The following RBMS3 variants were observed in gnomAD, a reference collection of about 807,000 sequenced individuals.
RBMS3 encodes RNA binding motif single stranded interacting protein 3.
Under a neutral mutation model 66.8 loss-of-function variants are expected in RBMS3, and 27 were observed. That is an observed-to-expected ratio of 0.40 (90% CI 0.30 to 0.56). RBMS3 has a LOEUF of 0.56. RBMS3 is among the 20% of genes least tolerant of loss of function. The probability of loss-of-function intolerance (pLI) is 0.40; values close to 1 mark genes in which losing one functional copy is unlikely to be tolerated. For synonymous variants in RBMS3, 188 were observed against 183.0 expected (o/e 1.03, Z -0.22); for missense variants, 513 against 549.5 (o/e 0.93, Z 0.66).
chr3:29,689,256 T>G (rs2051870903), intron 4 of RBMS3, among the ~76,000 whole-genome samples: 1 of 152,150 alleles, frequency 6.6e-6, no homozygotes, highest in Non-Finnish European at 1.5e-5. Context: ...TTGCCTTAAA[T>G]TAAGCAAAAT....
chr3:29,632,159 TA>T (rs1320347053), intron 4 of RBMS3, among the ~76,000 whole-genome samples: 7 of 151,914 alleles, frequency 4.6e-5, no homozygotes, highest in Non-Finnish European at 1.0e-4. Flanking sequence ...TCCATTTGAG[TA>T]GAGAAAAATA....
chr3:29,572,797 A>G (rs1394533974), intron 3 of RBMS3, among the ~76,000 whole-genome samples: 1 of 152,160 alleles, frequency 6.6e-6, no homozygotes, highest in Admixed American at 6.5e-5. Flanking sequence ...TGAATTTGAA[A>G]TTATTTCCTC....
intron 5 of RBMS3, among the ~76,000 whole-genome samples, chr3:29,754,881 A>T (rs1165798861): frequency 6.6e-6 from 1 of 152,186 alleles, no homozygotes; most frequent in Non-Finnish European, 1.5e-5. Flanking sequence ...GCTGGTCAGG[A>T]ACAAAAATGC....
intron 1 of RBMS3, among the ~76,000 whole-genome samples, chr3:29,422,865 T>C (rs2040807614): frequency 6.6e-6 from 1 of 152,240 alleles, no homozygotes; most frequent in African/African-American, 2.4e-5. Flanking sequence ...GAAATTATTA[T>C]GTTTTATAGT....
At chr3:29,739,680 T>C (rs376968106) in intron 4 of RBMS3, 40 bp from the exon 5 acceptor site, 43 of 1,487,232 alleles carry the variant, frequency 2.9e-5, no homozygotes, top group Non-Finnish European at 3.6e-5. Flanking sequence ...TGTTTCTCAA[T>C]ACTCAGAACT....
intron 1 of RBMS3, among the ~76,000 whole-genome samples, chr3:29,282,061 G>A (rs1050847353): frequency 3.9e-5 from 6 of 152,124 alleles, no homozygotes; most frequent in Non-Finnish European, 7.4e-5. Flanking sequence ...GATGGGCACG[G>A]TTTTTAGAAA....
chr3:29,797,150 A>G (rs540282748), intron 6 of RBMS3, among the ~76,000 whole-genome samples: 6 of 152,308 alleles, frequency 3.9e-5, no homozygotes, highest in African/African-American at 9.6e-5. Context: ...ATATAAGGAT[A>G]CTTCATCTAT....
chr3:29,924,149 A>G (rs985697137), intron 10 of RBMS3, among the ~76,000 whole-genome samples: 1 of 152,162 alleles, frequency 6.6e-6, no homozygotes, highest in African/African-American at 2.4e-5. Context: ...CCCCCAAACC[A>G]TTCCACTCTG....
At position 29,817,192 on chromosome 3, in the gene RBMS3, C is replaced by CTTTTTTTTTTTT. The variant is rs373365962; in HGVS notation, c.638-51664_638-51653dup. ...GGGTTGCATTTCCAAATTTTCTTTTCTTTTTTTTTTTTTGAGGCAAAGTCT... is the reference window on the plus strand; with the variant it reads ...GGGTTGCATTTCCAAATTTTCTTTTCTTTTTTTTTTTTTTTTTTTTTTTTTGAGGCAAAGTCT... On this transcript the variant is annotated intron_variant, in intron 6 of 14. Coordinates refer to ENST00000383767, the MANE Select transcript of RBMS3 (RefSeq NM_001003793.3). Among the ~76,000 whole-genome samples the CTTTTTTTTTTTT allele has an allele frequency of 2.5e-3, 312 of 127,128 alleles. 12 individuals are homozygous for CTTTTTTTTTTTT. The highest frequency in any genetic ancestry group is 4.3e-3 in the Middle Eastern group (1 of 230). 83.4% of individuals were successfully genotyped at this position (127,128 alleles called of 152,430 possible).
At chr3:29,450,588 A>G (rs535322236) in intron 2 of RBMS3, among the ~76,000 whole-genome samples, 19 of 152,252 alleles carry the variant, frequency 1.2e-4, no homozygotes, top group African/African-American at 4.6e-4. Context: ...CTCTTTGCAC[A>G]GTCCTGCTTG....
chr3:29,918,625 C>T (rs556450624), intron 10 of RBMS3, among the ~76,000 whole-genome samples: 5 of 151,990 alleles, frequency 3.3e-5, no homozygotes, highest in East Asian at 1.9e-4. Context: ...AATATTGTAG[C>T]GCTATTTCAG....
rs191955867 is a variant in RBMS3, at chr3:29,580,234, A to G, written c.308-6880A>G. On this transcript the variant is annotated intron_variant, in intron 3 of 14. Coordinates refer to ENST00000383767, the MANE Select transcript of RBMS3 (RefSeq NM_001003793.3). ...ATATATTGAGTTTTCCCCCACCTGG[A>G]AGAAACAGTTGCCATTTTAAAATAC... Among the ~76,000 whole-genome samples the G allele has an allele frequency of 4.2e-4, 64 of 152,302 alleles. 1 individual carries two copies. In the East Asian group the frequency reaches 9.9e-3, roughly 23 times the overall value.
chr3:29,946,945 G>A (rs545687908), intron 12 of RBMS3, among the ~76,000 whole-genome samples: 356 of 151,698 alleles, frequency 2.3e-3, no homozygotes, highest in Non-Finnish European at 4.4e-3. Flanking sequence ...TATTTACTAG[G>A]TGAAGTGAGG....
intron 12 of RBMS3, among the ~76,000 whole-genome samples, chr3:29,979,124 C>T (rs1282008055): frequency 6.6e-6 from 1 of 152,012 alleles, no homozygotes; most frequent in African/African-American, 2.4e-5. Flanking sequence ...ATGAGCAAGA[C>T]TGCCTCTAAA....
intron 1 of RBMS3, among the ~76,000 whole-genome samples, chr3:29,296,504 G>T (rs1381889917): frequency 1.3e-5 from 2 of 151,652 alleles, no homozygotes; most frequent in Non-Finnish European, 2.9e-5. Context: ...ATGGACCTAG[G>T]TTAAATCTAT....
intron 3 of RBMS3, among the ~76,000 whole-genome samples, chr3:29,582,636 T>C (rs2047373472): frequency 6.6e-6 from 1 of 152,238 alleles, no homozygotes; most frequent in African/African-American, 2.4e-5. Context: ...TAGCTGAAGC[T>C]GAACTAATCT....
intron 4 of RBMS3, among the ~76,000 whole-genome samples, chr3:29,632,835 C>G (rs1299471728): frequency 1.3e-5 from 2 of 151,760 alleles, no homozygotes; most frequent in Non-Finnish European, 2.9e-5. Context: ...AGAACAAGGC[C>G]CTGCAGATCC....
chr3:29,707,223 A>G (rs2052941885), intron 4 of RBMS3, among the ~76,000 whole-genome samples: 1 of 152,172 alleles, frequency 6.6e-6, no homozygotes, highest in African/African-American at 2.4e-5. Flanking sequence ...TGTACTTTAG[A>G]TAGATTATGC....
At chr3:29,955,671 C>G (rs556611207) in intron 12 of RBMS3, among the ~76,000 whole-genome samples, 1 of 152,052 alleles carries the variant, frequency 6.6e-6, no homozygotes, top group South Asian at 2.1e-4. Flanking sequence ...ACTTGCTTTG[C>G]TATATTAAGG....
Sources: allele counts gnomAD v4.1 joint callset (sites outside exome capture counted in the v4.1 genomes callset), GRCh38; gene constraint gnomAD v4.1.1; transcripts MANE v1.5; gene names NCBI Gene and HGNC (gene_info 2026-07-23, HGNC 2026-07-21).